The following CLVS1 variants were observed in gnomAD, a reference collection of about 807,000 sequenced individuals.
CLVS1 encodes the protein clavesin-1.
CLVS1 carries 10 observed loss-of-function variants against 33.1 expected under a neutral mutation model. The ratio of observed to expected loss-of-function variants is 0.30; its 90% CI spans 0.19 to 0.51. The LOEUF (loss-of-function observed/expected upper bound fraction) is 0.51, where lower values mean the gene tolerates loss of function less well. CLVS1 is among the 20% of genes least tolerant of loss of function. The pLI is 0.97. For synonymous variants in CLVS1, 163 were observed against 166.1 expected, an observed-to-expected ratio of 0.98 and a Z score of 0.14; for missense variants, 343 against 433.4, an observed-to-expected ratio of 0.79 and a Z score of 1.85.
intron 2 of CLVS1, among the ~76,000 whole-genome samples, chr8:61,237,518 G>A (rs1163371271): frequency 1.3e-5 from 2 of 152,234 alleles, no homozygotes; most frequent in Non-Finnish European, 2.9e-5. Context: ...AAGCCATTGA[G>A]CTGAAAGGGA....
At chr8:61,136,504 T>TA (rs1806192913) in intron 2 of CLVS1, among the ~76,000 whole-genome samples, 1 of 152,116 alleles carries the variant, frequency 6.6e-6, no homozygotes, top group African/African-American at 2.4e-5. Context: ...TATGCAGCCA[T>TA]AAAAAAGAAT....
chr8:61,110,256 T>G (rs1805603385), intron 1 of CLVS1, among the ~76,000 whole-genome samples: 1 of 152,152 alleles, frequency 6.6e-6, no homozygotes. Flanking sequence ...AAATTCTGTG[T>G]GCTGTTAGGG....
chr8:61,321,636 T>C (rs186781148), intron 2 of CLVS1, among the ~76,000 whole-genome samples: 18 of 152,292 alleles, frequency 1.2e-4, no homozygotes, highest in Admixed American at 7.2e-4. Flanking sequence ...TGTTCAGCAG[T>C]AGTGCTATAC....
Position 61,385,314 on chromosome 8 carries a change from G to A in CLVS1, c.630+8535G>A, listed in dbSNP as rs1814037524. ...TTATAAAATGAAGTGTGATATGGCTGTCCAGGGACTCTGTTCTGAATACAC... is the reference window on the plus strand; with the variant it reads ...TTATAAAATGAAGTGTGATATGGCTATCCAGGGACTCTGTTCTGAATACAC... On this transcript the variant is annotated intron_variant, in intron 3 of 5. Coordinates refer to ENST00000325897, the MANE Select transcript of CLVS1 (RefSeq NM_173519.3). 2.6e-5 allele frequency among the ~76,000 whole-genome samples: 4 copies of A among 152,176 alleles called. No individual in the cohort carries two copies. In the South Asian group the frequency reaches 8.3e-4, roughly 31 times the overall value.
At chr8:61,119,662 G>T (rs985276607) in intron 1 of CLVS1, among the ~76,000 whole-genome samples, 1 of 146,368 alleles carries the variant, frequency 6.8e-6, no homozygotes, top group African/African-American at 2.6e-5. Context: ...GAAATTCTGG[G>T]TTGAAAATTC....
chr8:61,142,610 G>C (rs1211272644), intron 2 of CLVS1, among the ~76,000 whole-genome samples: 1 of 152,196 alleles, frequency 6.6e-6, no homozygotes, highest in East Asian at 1.9e-4. Context: ...TGGCAAATAT[G>C]TCACCTTTCT....
intron 2 of CLVS1, among the ~76,000 whole-genome samples, chr8:61,355,511 C>A (rs1261841678): frequency 1.3e-5 from 2 of 151,844 alleles, no homozygotes; most frequent in Non-Finnish European, 2.9e-5. Flanking sequence ...TGTGCTGCAC[C>A]CATTAACTCG....
the CLVS1 span, among the ~76,000 whole-genome samples, chr8:61,005,208 A>T: frequency 0.088 from 13,387 of 152,314 alleles, 788 homozygotes; most frequent in South Asian, 0.17. Flanking sequence ...AGCATGGAGC[A>T]GCCCAAACTC....
intron 4 of CLVS1, among the ~76,000 whole-genome samples, chr8:61,455,177 TTTGTG>T (rs1563560383): frequency 1.9e-5 from 2 of 102,836 alleles, no homozygotes; most frequent in African/African-American, 7.7e-5. Context: ...ATAATTATGA[TTTGTG>T]TGTGTGTGTG....
intron 2 of CLVS1, among the ~76,000 whole-genome samples, chr8:61,230,432 A>C (rs1808408665): frequency 6.6e-6 from 1 of 152,130 alleles, no homozygotes; most frequent in African/African-American, 2.4e-5. Context: ...ATAATGATAA[A>C]AGTAGCATAT....
chr8:61,302,554 T>C (rs1234192311), intron 2 of CLVS1, among the ~76,000 whole-genome samples: 1 of 152,212 alleles, frequency 6.6e-6, no homozygotes, highest in Admixed American at 6.5e-5. Context: ...CCAACTGCAA[T>C]AGAATAATTC....
intron 2 of CLVS1, among the ~76,000 whole-genome samples, chr8:61,195,753 G>A (rs1807593373): frequency 6.6e-6 from 1 of 152,062 alleles, no homozygotes; most frequent in Non-Finnish European, 1.5e-5. Flanking sequence ...GGGGAAAAGT[G>A]AAGATGATGA....
the CLVS1 span, among the ~76,000 whole-genome samples, chr8:60,991,689 C>T: frequency 6.6e-6 from 1 of 151,940 alleles, no homozygotes; most frequent in Non-Finnish European, 1.5e-5. Flanking sequence ...TTCAACAAAC[C>T]AGGACCTCTG....
At chr8:61,053,073 C>T (rs1248119555), upstream of CLVS1, among the ~76,000 whole-genome samples, 1 of 152,132 alleles carries the variant, frequency 6.6e-6, no homozygotes, top group Non-Finnish European at 1.5e-5. Flanking sequence ...GATTCTTGGC[C>T]TGAGCAACTG....
In CLVS1 at chr8:61,347,367, C is replaced by T. The variant is rs117108351; in HGVS notation, c.456-29238C>T. 2.5e-3 allele frequency among the ~76,000 whole-genome samples: 375 copies of T among 151,988 alleles called. 1 individual carries two copies. Among genetic ancestry groups the T allele is most frequent in the Non-Finnish European group, 3.8e-3 (259 of 67,958 alleles). On this transcript the variant is annotated intron_variant, in intron 2 of 5. Coordinates refer to ENST00000325897, the MANE Select transcript of CLVS1 (RefSeq NM_173519.3). ...AGGTGATGGTGGAAACGAGACCTGA[C>T]ACATTGAAAGCTGTCACTGCACAAT...
chr8:61,053,874 T>TC (rs1388020178), upstream of CLVS1, among the ~76,000 whole-genome samples: 1 of 152,202 alleles, frequency 6.6e-6, no homozygotes, highest in East Asian at 1.9e-4. Flanking sequence ...TCGGGTGGAC[T>TC]CACCATTCCT....
chr8:61,306,686 T>C (rs1810638511), intron 2 of CLVS1, among the ~76,000 whole-genome samples: 2 of 152,248 alleles, frequency 1.3e-5, no homozygotes, highest in South Asian at 4.1e-4. Context: ...TACTGGATCA[T>C]GTGAACATTC....
chr8:61,253,725 C>G (rs1809002802), intron 2 of CLVS1, among the ~76,000 whole-genome samples: 1 of 152,210 alleles, frequency 6.6e-6, no homozygotes, highest in Non-Finnish European at 1.5e-5. Context: ...GCTACTGAGG[C>G]TTATGCATTC....
intron 2 of CLVS1, among the ~76,000 whole-genome samples, chr8:61,222,302 T>C (rs1808234049): frequency 1.3e-5 from 2 of 152,170 alleles, no homozygotes; most frequent in Non-Finnish European, 2.9e-5. Context: ...TTTTCTGGCT[T>C]TCTGATATGG....
Sources: gnomAD v4.1 joint callset for allele counts (sites outside exome capture counted in the v4.1 genomes callset) on GRCh38, gnomAD v4.1.1 for gene constraint, MANE v1.5 for transcripts, NCBI Gene and HGNC (gene_info 2026-07-23, HGNC 2026-07-21) for gene names.